The following HRH3 variants were observed in gnomAD, a reference collection of about 807,000 sequenced individuals.
HRH3 encodes the protein histamine H3 receptor.
In HRH3, 13 loss-of-function variants were observed where a neutral mutation model predicts 21.6. That is an observed-to-expected ratio of 0.60 (90% CI 0.39 to 0.96). The LOEUF (loss-of-function observed/expected upper bound fraction) is 0.96. HRH3 is among the 40% of genes least tolerant of loss of function. The probability of loss-of-function intolerance (pLI) is 0.00; values close to 1 mark genes in which losing one functional copy is unlikely to be tolerated. For synonymous variants in HRH3, 276 were observed against 290.3 expected (o/e 0.95, Z 0.50); for missense variants, 461 against 622.7 (o/e 0.74, Z 2.76).
In HRH3 at chr20:62,220,080, G is replaced by C. The variant is rs1464208061; in HGVS notation, c.-110C>G. On this transcript the variant is annotated 5_prime_UTR_variant, in exon 1 of 3. Coordinates refer to ENST00000340177, the MANE Select transcript of HRH3 (RefSeq NM_007232.3). ...GCCTCGTCTTTGCGGGCCCTTGGCCGGGTCGGGTTCCCCTGGGGGCGCCCA... is the reference window on the plus strand; with the variant it reads ...GCCTCGTCTTTGCGGGCCCTTGGCCCGGTCGGGTTCCCCTGGGGGCGCCCA... 1.1e-6 allele frequency: 1 copy of C among 930,692 alleles called. No homozygotes were observed. Among genetic ancestry groups the C allele is most frequent in the East Asian group, 1.2e-4 (1 of 8,628 alleles). 57.7% of individuals were successfully genotyped at this position (930,692 alleles called of 1,614,324 possible).
In HRH3 at chr20:62,218,190, C is replaced by T. The variant is rs1978656237; in HGVS notation, c.417+301G>A. Among the ~76,000 whole-genome samples, 1 of 152,242 alleles carries T rather than the reference C, an allele frequency of 6.6e-6. No homozygotes were observed. Among genetic ancestry groups the T allele is most frequent in the Admixed American group, 6.5e-5 (1 of 15,288 alleles). ...CACCCAGGGCGTCTGGCCCCAGATC[C>T]TCCCTTAACTCCGGGGACTGTGGAC... On this transcript the variant is annotated intron_variant, in intron 2 of 2. Coordinates refer to ENST00000340177, the MANE Select transcript of HRH3 (RefSeq NM_007232.3). This position sits in a 1 kb window ranked among gnomAD's most constrained non-coding sequence, Gnocchi z 5.6.
In HRH3 at chr20:62,218,815, A is replaced by G. The variant is rs975525686; in HGVS notation, c.251-158T>C. ...ACCCCTCCACCTGGTGTCAGCCACA[A>G]ACTCTGCCCTGCCGCCAGCCTTCAC... On this transcript the variant is annotated intron_variant, in intron 1 of 2. Coordinates refer to ENST00000340177, the MANE Select transcript of HRH3 (RefSeq NM_007232.3). The surrounding 1 kb of genome is among the most constrained non-coding windows in gnomAD (Gnocchi z 5.6). Among the ~76,000 whole-genome samples, 2 of 151,656 alleles carry G rather than the reference A, an allele frequency of 1.3e-5. No homozygotes were observed. The highest frequency in any genetic ancestry group is 2.9e-5 in the Non-Finnish European group (2 of 67,900).
chr20:62,215,588 G>A lies in HRH3; in HGVS notation c.*418C>T, dbSNP rs189241374. ...GCTTGTCCGGGGAGAGGGACGGTGT[G>A]CAGGTGTGTGCAGGGGTGTGCAGGT... On this transcript the variant is annotated 3_prime_UTR_variant, in exon 3 of 3. Coordinates refer to ENST00000340177, the MANE Select transcript of HRH3 (RefSeq NM_007232.3). 1.7e-3 allele frequency: 698 copies of A among 411,248 alleles called. 8 individuals carry two copies. The highest frequency in any genetic ancestry group is 0.013 in the African/African-American group (629 of 49,060). 25.5% of individuals were successfully genotyped at this position (411,248 alleles called of 1,614,324 possible). A position where few individuals can be genotyped will look rare whatever the true frequency, so the allele number is the denominator to read the frequency against.
intron 2 of HRH3, among the ~76,000 whole-genome samples, chr20:62,217,475 G>A (rs1421947898): frequency 6.6e-6 from 1 of 152,230 alleles, no homozygotes; most frequent in Non-Finnish European, 1.5e-5. Context: ...ACAGAACAAA[G>A]CATCCCAGAT....
Position 62,219,138 on chromosome 20 carries a change from C to T in HRH3, c.251-481G>A, listed in dbSNP as rs1184783959. On this transcript the variant is annotated intron_variant, in intron 1 of 2. Coordinates refer to ENST00000340177, the MANE Select transcript of HRH3 (RefSeq NM_007232.3). The surrounding 1 kb of genome is among the most constrained non-coding windows in gnomAD (Gnocchi z 8.7). ...TTGGTTGCAGCCGCCAGCCGCCAGCCGCTACTACTACTGCCAAGCGGGCTT... is the reference window on the plus strand; with the variant it reads ...TTGGTTGCAGCCGCCAGCCGCCAGCTGCTACTACTACTGCCAAGCGGGCTT... Among the ~76,000 whole-genome samples, 1 of 152,194 alleles carries T rather than the reference C, an allele frequency of 6.6e-6. No individual in the cohort carries two copies. Among genetic ancestry groups the T allele is most frequent in the Non-Finnish European group, 1.5e-5 (1 of 68,020 alleles).
In HRH3 at chr20:62,219,908, C is replaced by T; in HGVS notation, c.63G>A (p.Ala21=). ...NASGALAGEA[A]AAGGARGFSA... ...AGAAGCCGCGCGCCCCGCCCGCCGC[C>T]GCCGCCTCGCCCGCCAGCGCCCCCG... Residue 21 remains alanine (A), a synonymous_variant, in exon 1 of 3, where the codon GCG becomes GCA. Coordinates refer to ENST00000340177, the MANE Select transcript of HRH3 (RefSeq NM_007232.3). The surrounding 1 kb of genome is among the most constrained non-coding windows in gnomAD (Gnocchi z 8.7). 5 of 1,332,000 alleles carry T rather than the reference C, an allele frequency of 3.8e-6. No individual in the cohort carries two copies. Among genetic ancestry groups the T allele is most frequent in the Non-Finnish European group, 2.9e-6 (3 of 1,048,668 alleles). 82.5% of individuals were successfully genotyped at this position (1,332,000 alleles called of 1,614,324 possible).
rs1386095211 is a variant in HRH3 at position 62,216,064 on chromosome 20, A to G, written c.1280T>C (p.Leu427Pro). The G allele has an allele frequency of 1.2e-6, 2 of 1,606,312 alleles. No individual in the cohort carries two copies. Among genetic ancestry groups the G allele is most frequent in the Non-Finnish European group, 1.7e-6 (2 of 1,177,160 alleles). The change falls in exon 3 of 3, where the codon CTC becomes CCC. Residue 427 changes from leucine to proline, a missense_variant. Transcript: ENST00000340177. ...HSFRRAFTKLLCPQKLKIQPH... is the reference protein window; with the variant it reads ...HSFRRAFTKLPCPQKLKIQPH... ...CTGGATTTTGAGCTTCTGGGGGCAG[A>G]GCAGCTTGGTGAAGGCCCGGCGGAA...
chr20:62,217,196 C>G (rs1163740439), intron 2 of HRH3, among the ~76,000 whole-genome samples: 2 of 152,178 alleles, frequency 1.3e-5, no homozygotes, highest in Non-Finnish European at 2.9e-5. Flanking sequence ...GCCTGTTTAC[C>G]ACCCCCTACC....
chr20:62,219,630 C>T lies in HRH3; in HGVS notation c.250+91G>A, dbSNP rs1044596103. 4.8e-6 allele frequency: 7 copies of T among 1,468,204 alleles called. No homozygotes were observed. Among genetic ancestry groups the T allele is most frequent in the Non-Finnish European group, 5.4e-6 (6 of 1,102,484 alleles). 90.9% of individuals were successfully genotyped at this position (1,468,204 alleles called of 1,614,324 possible). On this transcript the variant is annotated intron_variant, in intron 1 of 2. Coordinates refer to ENST00000340177, the MANE Select transcript of HRH3 (RefSeq NM_007232.3). This position sits in a 1 kb window ranked among gnomAD's most constrained non-coding sequence, Gnocchi z 8.7. ...GGTCCCCTGGTGGGGCGTGTGCCTG[C>T]GGGAGCCACCCAGGTCCGTGTTCCA... is the stretch of plus-strand genomic sequence containing the variant.
In HRH3 at chr20:62,218,663, G is replaced by T; in HGVS notation, c.251-6C>A. On this transcript the variant is annotated splice_region_variant and splice_polypyrimidine_tract_variant and intron_variant, in intron 1 of 2. Transcript: ENST00000340177. This position sits in a 1 kb window ranked among gnomAD's most constrained non-coding sequence, Gnocchi z 5.6. ...CAGTGGGATGCAGAAGGCGCCTGTG[G>T]GGAGTAGGGCCACAGTGGGACCATG... is the stretch of plus-strand genomic sequence containing the variant. 1 of 1,610,960 alleles carries T rather than the reference G, an allele frequency of 6.2e-7. No individual in the cohort carries two copies. The highest frequency in any genetic ancestry group is 8.5e-7 in the Non-Finnish European group (1 of 1,179,654).
rs190604242 is a variant in HRH3 at position 62,217,157 on chromosome 20, C to T, written c.418-231G>A. Among the ~76,000 whole-genome samples the T allele has an allele frequency of 6.1e-3, 933 of 152,228 alleles. 9 individuals are homozygous for T. Among genetic ancestry groups the T allele is most frequent in the African/African-American group, 0.02 (833 of 41,524 alleles). ...GAGAGCCTCAGAAGCTCCCTGGGAC[C>T]AACCTGAACCCTCACTCTCTGCTAG... is the stretch of plus-strand genomic sequence containing the variant. On this transcript the variant is annotated intron_variant, in intron 2 of 2. Transcript: ENST00000340177.
Position 62,218,419 on chromosome 20 carries a change from A to T in HRH3, c.417+72T>A. On this transcript the variant is annotated intron_variant, in intron 2 of 2. Coordinates refer to ENST00000340177, the MANE Select transcript of HRH3 (RefSeq NM_007232.3). This position sits in a 1 kb window ranked among gnomAD's most constrained non-coding sequence, Gnocchi z 5.6. ...CCACAACTCAGAAGTGGCCGTCCCC[A>T]CCCAGGTGCCTCCCATGGGCGTCCC... 6.6e-7 allele frequency: 1 copy of T among 1,523,408 alleles called. No homozygotes were observed. Among genetic ancestry groups the T allele is most frequent in the Non-Finnish European group, 8.9e-7 (1 of 1,128,592 alleles). The allele number at this position is 1,523,408 out of a possible 1,614,324, so 94.4% of individuals were successfully genotyped here.
Position 62,220,015 on chromosome 20 carries a change from G to T in HRH3, c.-45C>A. 2 of 993,052 alleles carry T rather than the reference G, an allele frequency of 2.0e-6. No individual in the cohort carries two copies. Among genetic ancestry groups the T allele is most frequent in the South Asian group, 4.6e-5 (1 of 21,612 alleles). The allele number at this position is 993,052 out of a possible 1,614,324, so 61.5% of individuals were successfully genotyped here. On this transcript the variant is annotated 5_prime_UTR_variant, in exon 1 of 3. Transcript: ENST00000340177. ...GCTCCGGGACGCGGGGCAGGGCGCC[G>T]GCCGAGAGCTGGGCGGCCGGGAGGG...
At position 62,218,577 on chromosome 20, in the gene HRH3, G is replaced by A; in HGVS notation, c.331C>T (p.Leu111=). 6.2e-7 allele frequency: 1 copy of A among 1,612,504 alleles called. No individual in the cohort carries two copies. Among genetic ancestry groups the A allele is most frequent in the Non-Finnish European group, 8.5e-7 (1 of 1,179,958 alleles). Residue 111 remains leucine (L), a synonymous_variant, in exon 2 of 3, where the codon CTG becomes TTG. Transcript: ENST00000340177. This position sits in a 1 kb window ranked among gnomAD's most constrained non-coding sequence, Gnocchi z 5.6. ...TFGRGLCKLW[L]VVDYLLCTSS... Reference sequence around the variant, plus strand: ...GTGCACAGCAGGTAGTCCACTACCAGCCACAGCTTGCAGAGGCCCCGGCCG... The same window carrying A: ...GTGCACAGCAGGTAGTCCACTACCAACCACAGCTTGCAGAGGCCCCGGCCG...
chr20:62,218,828 C>T lies in HRH3; in HGVS notation c.251-171G>A, dbSNP rs921313501. Among the ~76,000 whole-genome samples the T allele has an allele frequency of 2.6e-5, 4 of 152,042 alleles. No individual in the cohort carries two copies. The highest frequency in any genetic ancestry group is 1.9e-4 in the East Asian group (1 of 5,176). On this transcript the variant is annotated intron_variant, in intron 1 of 2. Coordinates refer to ENST00000340177, the MANE Select transcript of HRH3 (RefSeq NM_007232.3). The surrounding 1 kb of genome is among the most constrained non-coding windows in gnomAD (Gnocchi z 5.6). ...GTGTCAGCCACAAACTCTGCCCTGC[C>T]GCCAGCCTTCACCCCCACATAGCTC...
In HRH3 at chr20:62,218,182, C is replaced by T. The variant is rs1209359595; in HGVS notation, c.417+309G>A. Reference sequence around the variant, plus strand: ...AGGGATGTCACCCAGGGCGTCTGGCCCCAGATCCTCCCTTAACTCCGGGGA... The same window carrying T: ...AGGGATGTCACCCAGGGCGTCTGGCTCCAGATCCTCCCTTAACTCCGGGGA... On this transcript the variant is annotated intron_variant, in intron 2 of 2. Coordinates refer to ENST00000340177, the MANE Select transcript of HRH3 (RefSeq NM_007232.3). This position sits in a 1 kb window ranked among gnomAD's most constrained non-coding sequence, Gnocchi z 5.6. 6.6e-6 allele frequency among the ~76,000 whole-genome samples: 1 copy of T among 152,218 alleles called. No homozygotes were observed. The highest frequency in any genetic ancestry group is 1.5e-5 in the Non-Finnish European group (1 of 68,034).
Position 62,215,026 on chromosome 20 carries a change from G to A in HRH3, c.*980C>T. 3.7e-6 allele frequency: 1 copy of A among 273,460 alleles called. No individual in the cohort carries two copies. Among genetic ancestry groups the A allele is most frequent in the Middle Eastern group, 1.4e-3 (1 of 740 alleles). 16.9% of individuals were successfully genotyped at this position (273,460 alleles called of 1,614,324 possible). ...TTTGCAGGGCAGCGCAGCGGGCACA[G>A]GCAGAGGAGCATGCAGAGCGCGTGG... On this transcript the variant is annotated 3_prime_UTR_variant, in exon 3 of 3. Coordinates refer to ENST00000340177, the MANE Select transcript of HRH3 (RefSeq NM_007232.3).
rs1178839727 is a variant in HRH3, at chr20:62,219,851, G to A, written c.120C>T (p.Leu40=). Reference sequence around the variant, plus strand: ...CCGTGGCCACGATGAGCAGCGCCATGAGCGCGGCCAGCACCGCGGTCCAGG... The same window carrying A: ...CCGTGGCCACGATGAGCAGCGCCATAAGCGCGGCCAGCACCGCGGTCCAGG... The part of the protein sequence containing the change: ...SAAWTAVLAA[L]MALLIVATVL... Residue 40 remains leucine (L), a synonymous_variant, in exon 1 of 3, where the codon CTC becomes CTT. Transcript: ENST00000340177. The surrounding 1 kb of genome is among the most constrained non-coding windows in gnomAD (Gnocchi z 8.7). 2 of 1,562,158 alleles carry A rather than the reference G, an allele frequency of 1.3e-6. No individual in the cohort carries two copies. Among genetic ancestry groups the A allele is most frequent in the Admixed American group, 1.8e-5 (1 of 54,094 alleles).
rs200401431 is a variant in HRH3, at chr20:62,216,470, C to G, written c.874G>C (p.Gly292Arg). 1.9e-6 allele frequency: 3 copies of G among 1,552,224 alleles called. No individual in the cohort carries two copies. The South Asian group carries it at 3.6e-5, about 18-fold the overall frequency. Residue 292 changes from glycine to arginine, a missense_variant, in exon 3 of 3, where the codon GGG (glycine) becomes CGG (arginine). By Grantham distance (125) the Gly-to-Arg change is moderately radical. Around this residue, in one of 6 missense-constraint regions of HRH3, gnomAD observed 163 missense variants for 139.4 expected, o/e 1.17. Coordinates refer to ENST00000340177, the MANE Select transcript of HRH3 (RefSeq NM_007232.3). Reference sequence around the variant, plus strand: ...ACGGAGCCGCCCCCACCGCCACCCCCGAGGGTCGCCTCCCCGGCCTCAGCG... The same window carrying G: ...ACGGAGCCGCCCCCACCGCCACCCCGGAGGGTCGCCTCCCCGGCCTCAGCG... ...VGAEAGEATLGGGGGGGSVAS... is the reference protein window; with the variant it reads ...VGAEAGEATLRGGGGGGSVAS...
Sources: gnomAD v4.1 joint callset for allele counts (sites outside exome capture counted in the v4.1 genomes callset) on GRCh38, gnomAD v4.1.1 for gene constraint, gnomAD v4.1.1 regional missense constraint, Gnocchi (gnomAD v3.1) non-coding constraint, MANE v1.5 for transcripts, NCBI Gene and HGNC (gene_info 2026-07-23, HGNC 2026-07-21) for gene names.